CNTNAP3B: variants seen among roughly 807,000 people sequenced by gnomAD.
The protein encoded by CNTNAP3B is contactin associated protein family member 3B.
Under a neutral mutation model 108.9 loss-of-function variants are expected in CNTNAP3B, and 25 were observed. The observed-to-expected ratio is 0.23, with a 90% CI of 0.17 to 0.32. The LOEUF (loss-of-function observed/expected upper bound fraction) is 0.32. Ranked by LOEUF, CNTNAP3B falls within the 10% of genes least tolerant of loss-of-function variation. The pLI is 1.00. For synonymous variants in CNTNAP3B, 103 were observed against 473.4 expected (o/e 0.22, Z 10.16); for missense variants, 252 against 1,210.4 (o/e 0.21, Z 11.75).
In CNTNAP3B at chr9:42,071,038, A is replaced by G. The variant is rs1350958591; in HGVS notation, c.390+5831T>C. On this transcript the variant is annotated intron_variant, in intron 3 of 23. Coordinates refer to ENST00000377561, the MANE Select transcript of CNTNAP3B (RefSeq NM_001201380.3). Reference sequence around the variant, plus strand: ...TCTTTGTCAGAAAGTTTTAAAAAACAAAGTCCAATAATATTATTCAGAGAA... The same window carrying G: ...TCTTTGTCAGAAAGTTTTAAAAAACGAAGTCCAATAATATTATTCAGAGAA... Among the ~76,000 whole-genome samples, 5 of 150,100 alleles carry G rather than the reference A, an allele frequency of 3.3e-5. No individual in the cohort carries two copies. In the South Asian group the frequency reaches 6.3e-4, roughly 19 times the overall value.
In CNTNAP3B at chr9:42,111,333, T is replaced by C. The variant is rs1828189154; in HGVS notation, c.86-6594A>G. Among the ~76,000 whole-genome samples the C allele has an allele frequency of 1.4e-5, 2 of 139,394 alleles. 1 individual carries two copies. Among genetic ancestry groups the C allele is most frequent in the African/African-American group, 5.7e-5 (2 of 35,242 alleles). The allele number at this position is 139,394 out of a possible 152,430, so 91.4% of individuals were successfully genotyped here. On this transcript the variant is annotated intron_variant, in intron 1 of 23. Coordinates refer to ENST00000377561, the MANE Select transcript of CNTNAP3B (RefSeq NM_001201380.3). Reference sequence around the variant, plus strand: ...GGTGTGCCCCTATGTTCTGGGGATATAACCATAAACAACAGAAAAAGTCTC... The same window carrying C: ...GGTGTGCCCCTATGTTCTGGGGATACAACCATAAACAACAGAAAAAGTCTC...
chr9:41,955,143 T>C (rs1294642955), intron 12 of CNTNAP3B, among the ~76,000 whole-genome samples: 3 of 144,950 alleles, frequency 2.1e-5, no homozygotes, highest in Non-Finnish European at 3.0e-5. Context: ...GGCCATGTGT[T>C]CATGATTTCT....
chr9:41,947,285 A>T (rs1175278821), intron 13 of CNTNAP3B, among the ~76,000 whole-genome samples: 1 of 152,182 alleles, frequency 6.6e-6, no homozygotes, highest in African/African-American at 2.4e-5. Context: ...ACCTCAACAT[A>T]TTTAAAAGAA....
intron 15 of CNTNAP3B, among the ~76,000 whole-genome samples, chr9:41,924,925 T>C (rs1477918258): frequency 1.3e-5 from 2 of 152,212 alleles, no homozygotes; most frequent in Non-Finnish European, 2.9e-5. Context: ...TCTGACATAC[T>C]CATGATTGGA....
At chr9:42,030,152 A>G (rs1333560135) in intron 3 of CNTNAP3B, among the ~76,000 whole-genome samples, 1 of 94,352 alleles carries the variant, frequency 1.1e-5, no homozygotes, top group African/African-American at 5.0e-5. Flanking sequence ...TCAAAAAAAA[A>G]AAGAAAAAGA....
intron 13 of CNTNAP3B, among the ~76,000 whole-genome samples, chr9:41,938,983 A>C (rs71245918): frequency 2.6e-5 from 4 of 151,870 alleles, no homozygotes; most frequent in African/African-American, 9.7e-5. Context: ...TGAGGTTAGA[A>C]ATTTCTCATG....
chr9:42,094,060 G>T (rs556219785), intron 2 of CNTNAP3B, among the ~76,000 whole-genome samples: 1 of 136,494 alleles, frequency 7.3e-6, no homozygotes, highest in African/African-American at 2.9e-5. Context: ...CTAGTAAGGG[G>T]TAGAGCCTGG....
In CNTNAP3B at chr9:41,989,642, CT is replaced by C. The variant is rs901793787; in HGVS notation, c.1333+1967del. Among the ~76,000 whole-genome samples, 67 of 136,674 alleles carry C rather than the reference CT, an allele frequency of 4.9e-4. 11 individuals carry two copies. The highest frequency in any genetic ancestry group is 1.9e-3 in the African/African-American group (66 of 34,160). 89.7% of individuals were successfully genotyped at this position (136,674 alleles called of 152,430 possible). ...TAAAAGGGATACACACTTTCATTCA[CT>C]TTTTTTCCTTAGAGCATTTCTTTCA... On this transcript the variant is annotated intron_variant, in intron 8 of 23. Transcript: ENST00000377561.
intron 15 of CNTNAP3B, among the ~76,000 whole-genome samples, chr9:41,924,645 G>GCGCGCGCGCACACACA (rs1474850625): frequency 7.4e-6 from 1 of 135,062 alleles, no homozygotes; most frequent in African/African-American, 3.0e-5. Context: ...TTTCCTTCCT[G>GCGCGCGCGCACACACA]CACACACACA....
At chr9:41,935,924 C>T (rs1390632370) in intron 14 of CNTNAP3B, among the ~76,000 whole-genome samples, 1 of 152,286 alleles carries the variant, frequency 6.6e-6, no homozygotes, top group Admixed American at 6.5e-5. Flanking sequence ...CACCTCAGTT[C>T]CTCCCATCCC....
intron 13 of CNTNAP3B, among the ~76,000 whole-genome samples, chr9:41,942,645 AAG>A (rs1277069947): frequency 2.6e-5 from 4 of 152,044 alleles, no homozygotes; most frequent in East Asian, 1.9e-4. Context: ...TTAAAAAAAA[AAG>A]AGTATAGGAT....
chr9:42,029,501 T>G lies in CNTNAP3B; in HGVS notation c.391-15976A>C, dbSNP rs547355012. ...TTGACATACAAAATAAATGTATTAA[T>G]AAACCAACAAAGTATGATCACATAT... On this transcript the variant is annotated intron_variant, in intron 3 of 23. Coordinates refer to ENST00000377561, the MANE Select transcript of CNTNAP3B (RefSeq NM_001201380.3). Among the ~76,000 whole-genome samples, 3 of 122,482 alleles carry G rather than the reference T, an allele frequency of 2.4e-5. No individual in the cohort carries two copies. The East Asian group carries it at 8.4e-4, about 34-fold the overall frequency. The allele number at this position is 122,482 out of a possible 152,430, so 80.4% of individuals were successfully genotyped here. A position where few individuals can be genotyped will look rare whatever the true frequency, so the allele number is the denominator to read the frequency against.
rs1214326050 is a variant in CNTNAP3B, at chr9:41,934,122, T to TATATATATATATATATATATATACACAC, written c.2237+4121_2237+4122insGTGTGTATATATATATATATATATATAT. ...TTACATATATATATATATATATATATACACACACATATATATATACACACA... is the reference window on the plus strand; with the variant it reads ...TTACATATATATATATATATATATATATATATATATATATATATATATACACACACACACACATATATATATACACACA... On this transcript the variant is annotated intron_variant, in intron 14 of 23. Coordinates refer to ENST00000377561, the MANE Select transcript of CNTNAP3B (RefSeq NM_001201380.3). 4.3e-3 allele frequency among the ~76,000 whole-genome samples: 313 copies of TATATATATATATATATATATATACACAC among 72,036 alleles called. 3 individuals carry two copies. The highest frequency in any genetic ancestry group is 0.022 in the Middle Eastern group (3 of 138). 47.3% of individuals were successfully genotyped at this position (72,036 alleles called of 152,430 possible).
intron 12 of CNTNAP3B, among the ~76,000 whole-genome samples, chr9:41,958,919 G>T (rs1169885890): frequency 7.2e-6 from 1 of 139,744 alleles, no homozygotes; most frequent in South Asian, 2.3e-4. Flanking sequence ...TCACAGAAGT[G>T]TGGGGATCCT....
rs1401464027 is a variant in CNTNAP3B, at chr9:42,096,212, C to T, written c.196+8417G>A. 3.6e-5 allele frequency among the ~76,000 whole-genome samples: 5 copies of T among 139,226 alleles called. 1 individual carries two copies. The highest frequency in any genetic ancestry group is 7.7e-5 in the Non-Finnish European group (5 of 64,940). 91.3% of individuals were successfully genotyped at this position (139,226 alleles called of 152,430 possible). A position where few individuals can be genotyped will look rare whatever the true frequency, so the allele number is the denominator to read the frequency against. On this transcript the variant is annotated intron_variant, in intron 2 of 23. Coordinates refer to ENST00000377561, the MANE Select transcript of CNTNAP3B (RefSeq NM_001201380.3). The stretch of plus-strand genomic sequence containing the variant: ...TTTCCACTACACACTTGAGAGTGCC[C>T]ACTCAGATCCCTGAGCTTCAGTGAA...
chr9:41,920,654 A>T (rs1427427128), intron 17 of CNTNAP3B, among the ~76,000 whole-genome samples: 689 of 151,994 alleles, frequency 4.5e-3, no homozygotes, highest in African/African-American at 0.016. Flanking sequence ...TACTTTGTTT[A>T]GGAATAAGAA....
intron 14 of CNTNAP3B, among the ~76,000 whole-genome samples, chr9:41,930,424 T>A (rs1205208275): frequency 2.0e-5 from 3 of 152,426 alleles, no homozygotes; most frequent in South Asian, 2.1e-4. Flanking sequence ...ACACCTGTAG[T>A]CCCAGCTACA....
At chr9:42,070,636 G>A (rs1484649740) in intron 3 of CNTNAP3B, among the ~76,000 whole-genome samples, 4 of 151,808 alleles carry the variant, frequency 2.6e-5, no homozygotes, top group African/African-American at 9.7e-5. Flanking sequence ...CTGTCTCTGT[G>A]CTAACTGCAG....
chr9:41,992,247 C>A (rs1023603845), intron 7 of CNTNAP3B, among the ~76,000 whole-genome samples: 5 of 130,986 alleles, frequency 3.8e-5, no homozygotes, highest in African/African-American at 1.6e-4. Flanking sequence ...TCCTGAGCAA[C>A]ATTTGGTCTT....
Sources: allele counts gnomAD v4.1 joint callset (sites outside exome capture counted in the v4.1 genomes callset), GRCh38; gene constraint gnomAD v4.1.1; transcripts MANE v1.5; gene names NCBI Gene and HGNC (gene_info 2026-07-23, HGNC 2026-07-21).